The following CRYBG1 variants were observed in gnomAD, a reference collection of about 807,000 sequenced individuals.
CRYBG1 encodes the protein beta/gamma crystallin domain-containing protein 1.
CRYBG1 carries 139 observed loss-of-function variants against 189.2 expected under a neutral mutation model. The ratio of observed to expected loss-of-function variants is 0.73; its 90% CI spans 0.64 to 0.85. The LOEUF (loss-of-function observed/expected upper bound fraction) is 0.85, where lower values mean the gene tolerates loss of function less well. CRYBG1 is among the 40% of genes least tolerant of loss of function. The pLI is 0.00. For missense variants in CRYBG1, 2,611 were observed against 2,675.8 expected (o/e 0.98, Z 0.53); for synonymous variants, 1,023 against 1,017.1 (o/e 1.01, Z -0.11).
chr6:106,446,662 A>G (rs6935583), intron 1 of CRYBG1, among the ~76,000 whole-genome samples: 48,763 of 152,038 alleles, frequency 0.32, 8,326 homozygotes, highest in East Asian at 0.54. Context: ...GACCAACATT[A>G]GGAAAACTCG....
At chr6:106,492,076 T>C (rs1772736583) in intron 2 of CRYBG1, among the ~76,000 whole-genome samples, 1 of 152,202 alleles carries the variant, frequency 6.6e-6, no homozygotes, top group South Asian at 2.1e-4. Flanking sequence ...GTTCTTCCTG[T>C]GGTCTTCTGA....
Position 106,541,629 on chromosome 6 carries a change from T to A in CRYBG1, c.4881+8T>A. ...TTCCCTACAGATCCAAAGGTAAAAA[T>A]ATATATGTATTTTTGTATGTATGTA... On this transcript the variant is annotated splice_region_variant and intron_variant, in intron 10 of 21. Coordinates refer to ENST00000633556, the MANE Select transcript of CRYBG1 (RefSeq NM_001371242.2). 1 of 1,589,782 alleles carries A rather than the reference T, an allele frequency of 6.3e-7. No homozygotes were observed. The highest frequency in any genetic ancestry group is 8.6e-7 in the Non-Finnish European group (1 of 1,159,470).
chr6:106,475,207 C>G (rs1413853718), intron 2 of CRYBG1, among the ~76,000 whole-genome samples: 1 of 152,072 alleles, frequency 6.6e-6, no homozygotes, highest in Non-Finnish European at 1.5e-5. Context: ...AGAGGGATAA[C>G]TAAATAATCA....
At chr6:106,550,749 T>C (rs563218050) in intron 13 of CRYBG1, among the ~76,000 whole-genome samples, 1 of 152,296 alleles carries the variant, frequency 6.6e-6, no homozygotes, top group African/African-American at 2.4e-5. Flanking sequence ...TCCTAAGATC[T>C]TTCTGCAAAA....
At chr6:106,381,742 G>T (rs1430845221) in intron 1 of CRYBG1, among the ~76,000 whole-genome samples, 2 of 152,216 alleles carry the variant, frequency 1.3e-5, no homozygotes, top group African/African-American at 4.8e-5. Context: ...CCAGTCATTG[G>T]TTAAGGGCCG....
chr6:106,540,881 G>A (rs1774113239), intron 9 of CRYBG1, among the ~76,000 whole-genome samples: 1 of 151,780 alleles, frequency 6.6e-6, no homozygotes. Flanking sequence ...TAATATTTTT[G>A]TGCAATATCT....
chr6:106,483,298 C>T (rs528414199), intron 2 of CRYBG1, among the ~76,000 whole-genome samples: 1 of 150,808 alleles, frequency 6.6e-6, no homozygotes, highest in Admixed American at 6.7e-5. Flanking sequence ...CTTCTGGGTC[C>T]ATCCATATTG....
intron 13 of CRYBG1, among the ~76,000 whole-genome samples, chr6:106,550,597 TTTTG>T (rs148831416): frequency 0.064 from 9,736 of 152,222 alleles, 388 homozygotes; most frequent in South Asian, 0.11. Flanking sequence ...GTTTGCTCAA[TTTTG>T]TTTATTTAAT....
At chr6:106,392,533 G>C (rs1415826163) in intron 1 of CRYBG1, among the ~76,000 whole-genome samples, 1 of 152,128 alleles carries the variant, frequency 6.6e-6, no homozygotes, top group Non-Finnish European at 1.5e-5. Flanking sequence ...GAGGGGAGTG[G>C]GGGACACAGG....
intron 1 of CRYBG1, among the ~76,000 whole-genome samples, chr6:106,381,033 G>A (rs1247261944): frequency 1.3e-5 from 2 of 152,184 alleles, no homozygotes; most frequent in African/African-American, 2.4e-5. Flanking sequence ...ACATGAAAGA[G>A]TGGATTACAT....
intron 1 of CRYBG1, among the ~76,000 whole-genome samples, chr6:106,417,354 T>A (rs573237845): frequency 6.6e-6 from 1 of 152,294 alleles, no homozygotes; most frequent in East Asian, 1.9e-4. Flanking sequence ...GCAAATGACC[T>A]GAGGCAAGTG....
intron 1 of CRYBG1, among the ~76,000 whole-genome samples, chr6:106,415,571 T>A (rs970805066): frequency 6.8e-6 from 1 of 147,052 alleles, no homozygotes; most frequent in African/African-American, 2.5e-5. Context: ...AAAAAAAAAA[T>A]GAAAATTAGC....
chr6:106,519,685 T>G lies in CRYBG1; in HGVS notation c.2477T>G (p.Leu826Arg). Residue 826 changes from leucine (L) to arginine (R), a missense_variant, in exon 4 of 22, where the codon CTT becomes CGT. Physicochemically the swap from Leu to Arg is moderately radical, Grantham distance 102 (BLOSUM62 -2). This residue lies in a region of CRYBG1 where 1,622 missense variants were observed against 1,735.0 expected (regional missense o/e 0.93). Transcript: ENST00000633556. ...EDSEAADSKS[L>R]VLENVTDTAQ... Reference sequence around the variant, plus strand: ...TCAGAGGCTGCAGACAGCAAAAGCCTTGTACTTGAAAATGTAACCGATACA... The same window carrying G: ...TCAGAGGCTGCAGACAGCAAAAGCCGTGTACTTGAAAATGTAACCGATACA... 1 of 1,614,206 alleles carries G rather than the reference T, an allele frequency of 6.2e-7. No homozygotes were observed. The highest frequency in any genetic ancestry group is 8.5e-7 in the Non-Finnish European group (1 of 1,180,018).
chr6:106,382,938 A>C (rs1770314089), intron 1 of CRYBG1, among the ~76,000 whole-genome samples: 1 of 152,194 alleles, frequency 6.6e-6, no homozygotes, highest in African/African-American at 2.4e-5. Context: ...TATTATTATT[A>C]AGTAATCTGC....
At chr6:106,531,232 CT>C (rs994990351) in intron 8 of CRYBG1, among the ~76,000 whole-genome samples, 74 of 152,062 alleles carry the variant, frequency 4.9e-4, no homozygotes, top group African/African-American at 1.8e-3. Context: ...AAATAATTTG[CT>C]TGTGTAAAAG....
intron 2 of CRYBG1, among the ~76,000 whole-genome samples, chr6:106,452,128 C>T (rs7763786): frequency 0.083 from 12,307 of 147,462 alleles, 843 homozygotes; most frequent in South Asian, 0.18. Flanking sequence ...TGAGCTTGGC[C>T]GGGCCTGGTG....
At chr6:106,539,321 C>A in intron 8 of CRYBG1, 82 bp from the exon 9 acceptor site, 2 of 1,513,778 alleles carry the variant, frequency 1.3e-6, no homozygotes, top group Non-Finnish European at 1.8e-6. Context: ...CTTTTCCTCT[C>A]ATCCTGGGTA....
At chr6:106,487,343 G>A (rs1346900630) in intron 2 of CRYBG1, among the ~76,000 whole-genome samples, 1 of 152,122 alleles carries the variant, frequency 6.6e-6, no homozygotes, top group Non-Finnish European at 1.5e-5. Context: ...GGTATTCTGA[G>A]CATGGTTATG....
chr6:106,453,698 T>G (rs1210304998), intron 2 of CRYBG1, among the ~76,000 whole-genome samples: 1 of 152,186 alleles, frequency 6.6e-6, no homozygotes, highest in East Asian at 1.9e-4. Context: ...GTGTTCAGAA[T>G]TGAGGCAAAA....
Sources: gnomAD v4.1 joint callset for allele counts (sites outside exome capture counted in the v4.1 genomes callset) on GRCh38, gnomAD v4.1.1 for gene constraint, gnomAD v4.1.1 regional missense constraint, MANE v1.5 for transcripts, NCBI Gene and HGNC (gene_info 2026-07-23, HGNC 2026-07-21) for gene names.